Variants in CBL observed in about 807,000 individuals in gnomAD.
The protein encoded by CBL is Cbl proto-oncogene.
Under a neutral mutation model 96.9 loss-of-function variants are expected in CBL, and 45 were observed. The ratio of observed to expected loss-of-function variants is 0.46; its 90% CI spans 0.37 to 0.60. CBL has a LOEUF of 0.60. Among genes scored for constraint, CBL ranks in the 20% least tolerant of loss-of-function variants. CBL has a pLI of 0.00. For synonymous variants in CBL, 420 were observed against 426.8 expected (o/e 0.98, Z 0.20); for missense variants, 1,024 against 1,143.5 (o/e 0.90, Z 1.51).
In CBL at chr11:119,206,495, T is replaced by G. The variant is rs1949269723; in HGVS notation, c.78T>G (p.Ile26Met). ...GGGGCTCGGGTTCGGGTGGCCTGATTGGGCTCATGAAGGACGCCTTCCAGC... is the reference window on the plus strand; with the variant it reads ...GGGGCTCGGGTTCGGGTGGCCTGATGGGGCTCATGAAGGACGCCTTCCAGC... ...GSGGSGSGGL[I>M]GLMKDAFQPH... The change falls in exon 1 of 16, where the codon ATT becomes ATG. Residue 26 changes from isoleucine (I) to methionine (M), a missense_variant. By Grantham distance (10) the Ile-to-Met change is conservative (BLOSUM62 1). Coordinates refer to ENST00000264033, the MANE Select transcript of CBL (RefSeq NM_005188.4). 4 of 1,570,066 alleles carry G rather than the reference T, an allele frequency of 2.5e-6. No homozygotes were observed. The highest frequency in any genetic ancestry group is 3.4e-6 in the Non-Finnish European group (4 of 1,160,016).
rs1421300579 is a variant in CBL, at chr11:119,278,718, G to A, written c.1431+5G>A. The A allele has an allele frequency of 1.2e-6, 2 of 1,613,124 alleles. No homozygotes were observed. Among genetic ancestry groups the A allele is most frequent in the Non-Finnish European group, 1.7e-6 (2 of 1,179,326 alleles). ...AAGGAATTGGCTGGTGCCAAGGTAAGATGGCAGTTTAGGAGACTGGCAAAA... is the reference window on the plus strand; with the variant it reads ...AAGGAATTGGCTGGTGCCAAGGTAAAATGGCAGTTTAGGAGACTGGCAAAA... On this transcript the variant is annotated splice_donor_5th_base_variant and intron_variant, in intron 9 of 15. Coordinates refer to ENST00000264033, the MANE Select transcript of CBL (RefSeq NM_005188.4).
intron 1 of CBL, among the ~76,000 whole-genome samples, chr11:119,229,841 C>G (rs1229588876): frequency 6.6e-6 from 1 of 151,732 alleles, no homozygotes; most frequent in African/African-American, 2.4e-5. Context: ...GATTCTCCTG[C>G]CTCAGCCTCC....
In CBL at chr11:119,264,384, T is replaced by TC. The variant is rs1426088850; in HGVS notation, c.444-7351_444-7350insC. Among the ~76,000 whole-genome samples the TC allele has an allele frequency of 8.4e-4, 104 of 124,526 alleles. 1 individual carries two copies. The highest frequency in any genetic ancestry group is 3.2e-3 in the African/African-American group (97 of 29,930). The allele number at this position is 124,526 out of a possible 152,430, so 81.7% of individuals were successfully genotyped here. On this transcript the variant is annotated intron_variant, in intron 2 of 15. Coordinates refer to ENST00000264033, the MANE Select transcript of CBL (RefSeq NM_005188.4). ...CCAGTCTTTTATTATGATCTTTCTT[T>TC]TCTTTTCTCTTCTCTTCTCTTCTCT...
chr11:119,262,628 C>G (rs1315191958), intron 2 of CBL, among the ~76,000 whole-genome samples: 3 of 152,078 alleles, frequency 2.0e-5, no homozygotes, highest in Admixed American at 2.0e-4. Flanking sequence ...TGTTATGTGC[C>G]CAGTGTGACC....
chr11:119,232,365 A>C lies in CBL; in HGVS notation c.196-83A>C, dbSNP rs571529979. 40 of 1,478,536 alleles carry C rather than the reference A, an allele frequency of 2.7e-5. No individual in the cohort carries two copies. The African/African-American group carries it at 4.6e-4, about 17-fold the overall frequency. 91.6% of individuals were successfully genotyped at this position (1,478,536 alleles called of 1,614,324 possible). ...TTTCATATTTTGCAAAAGAGCACATATTTCATAACTTTCTTAAACTTAAAA... is the reference window on the plus strand; with the variant it reads ...TTTCATATTTTGCAAAAGAGCACATCTTTCATAACTTTCTTAAACTTAAAA... On this transcript the variant is annotated intron_variant, in intron 1 of 15. Transcript: ENST00000264033.
rs543383116 is a variant in CBL, at chr11:119,295,727, A to T, written c.2037-1191A>T. ...AAAATCTAGGTGTTTCTTTCTGAAT[A>T]TGGACTGTCCTCCCGCCATCTCATT... On this transcript the variant is annotated intron_variant, in intron 12 of 15. Transcript: ENST00000264033. Among the ~76,000 whole-genome samples, 3 of 152,272 alleles carry T rather than the reference A, an allele frequency of 2.0e-5. No individual in the cohort carries two copies. In the South Asian group the frequency reaches 6.2e-4, roughly 32 times the overall value.
chr11:119,224,728 T>C (rs968955431), intron 1 of CBL, among the ~76,000 whole-genome samples: 4 of 151,456 alleles, frequency 2.6e-5, no homozygotes, highest in East Asian at 2.0e-4. Flanking sequence ...GTAGCTGGGA[T>C]TACAGAAGAA....
intron 12 of CBL, chr11:119,289,569 T>C (rs1242952518): frequency 6.6e-6 from 1 of 151,572 alleles, no homozygotes; most frequent in East Asian, 1.9e-4. Flanking sequence ...TTTTGTAATA[T>C]GGAACGCTTG....
At chr11:119,277,689 A>G in intron 6 of CBL, 68 bp from the exon 7 acceptor site, 3 of 1,011,562 alleles carry the variant, frequency 3.0e-6, no homozygotes, top group Admixed American at 1.7e-5. Context: ...CCCAGATTCC[A>G]TTTGTCTATA....
At chr11:119,298,698 G>A (rs1338588671) in intron 15 of CBL, among the ~76,000 whole-genome samples, 158 bp downstream of exon 15, 1 of 152,250 alleles carries the variant, frequency 6.6e-6, no homozygotes, top group Non-Finnish European at 1.5e-5. Context: ...AAGTTAGACT[G>A]TAGTCAGACT....
chr11:119,222,896 G>A (rs749173949), intron 1 of CBL, among the ~76,000 whole-genome samples: 4 of 152,156 alleles, frequency 2.6e-5, no homozygotes, highest in Non-Finnish European at 5.9e-5. Context: ...AGCATGGCCA[G>A]GCGTGGTGGC....
At chr11:119,244,562 A>G (rs1949610516) in intron 2 of CBL, among the ~76,000 whole-genome samples, 1 of 143,298 alleles carries the variant, frequency 7.0e-6, no homozygotes, top group African/African-American at 2.7e-5. Flanking sequence ...GAACAGGTGC[A>G]TGCTACCATG....
At chr11:119,214,334 C>G (rs1310126332) in intron 1 of CBL, among the ~76,000 whole-genome samples, 4 of 151,954 alleles carry the variant, frequency 2.6e-5, no homozygotes, top group Non-Finnish European at 5.9e-5. Context: ...GATCTCACCT[C>G]TGCCTCCTGG....
intron 12 of CBL, among the ~76,000 whole-genome samples, chr11:119,293,273 A>G (rs1950042049): frequency 6.6e-6 from 1 of 151,882 alleles, no homozygotes. Flanking sequence ...ACGTCTGGCT[A>G]ATTTTTGTAT....
chr11:119,287,488 A>C (rs1034454510), intron 11 of CBL, among the ~76,000 whole-genome samples: 1 of 152,172 alleles, frequency 6.6e-6, no homozygotes, highest in African/African-American at 2.4e-5. Flanking sequence ...CTAATTAGTG[A>C]GTGTGGATTA....
chr11:119,287,793 G>A, intron 11 of CBL, 59 bp from the exon 12 acceptor site: 1 of 1,053,546 alleles, frequency 9.5e-7, no homozygotes, highest in Non-Finnish European at 1.5e-6. Context: ...GGTTCAATAA[G>A]AGCAGAGGCT....
intron 1 of CBL, among the ~76,000 whole-genome samples, chr11:119,210,357 A>G (rs1949306177): frequency 1.3e-5 from 2 of 152,208 alleles, no homozygotes; most frequent in Non-Finnish European, 2.9e-5. Context: ...AGCCTGGGCA[A>G]CAGAGTGACA....
intron 2 of CBL, among the ~76,000 whole-genome samples, chr11:119,236,595 G>GTATA (rs71048051): frequency 0.045 from 6,205 of 137,630 alleles, 157 homozygotes; most frequent in South Asian, 0.082. Flanking sequence ...CTTCTTTTGA[G>GTATA]TATATATATA....
rs957008488 is a variant in CBL, at chr11:119,307,615, A to G, written c.*7834A>G. ...AGTGAGCTTTAGCAAAAGTTTTTCT[A>G]TATAATGACATCTTACTTATCTTTT... On this transcript the variant is annotated 3_prime_UTR_variant, in exon 16 of 16. Transcript: ENST00000264033. 4.8e-5 allele frequency: 11 copies of G among 231,088 alleles called. No homozygotes were observed. Among genetic ancestry groups the G allele is most frequent in the African/African-American group, 2.2e-4 (10 of 45,210 alleles). The allele number at this position is 231,088 out of a possible 1,614,324, so 14.3% of individuals were successfully genotyped here.
Sources: allele counts gnomAD v4.1 joint callset (sites outside exome capture counted in the v4.1 genomes callset), GRCh38; gene constraint gnomAD v4.1.1; transcripts MANE v1.5; gene names NCBI Gene and HGNC (gene_info 2026-07-23, HGNC 2026-07-21).